The following DAB2IP variants were observed in gnomAD, a reference collection of about 807,000 sequenced individuals.
DAB2IP encodes disabled homolog 2-interacting protein.
A neutral mutation model predicts 107.2 loss-of-function variants in DAB2IP; 28 were observed. The ratio of observed to expected loss-of-function variants is 0.26; its 90% CI spans 0.19 to 0.36. The LOEUF is 0.36. DAB2IP is among the 10% of genes least tolerant of loss of function. The pLI, the probability that DAB2IP is intolerant of heterozygous loss-of-function variation, is 1.00. For missense variants in DAB2IP, 1,400 were observed against 1,644.7 expected (o/e 0.85, Z 2.57); for synonymous variants, 755 against 706.4 (o/e 1.07, Z -1.09).
At chr9:121,669,666 A>G (rs1833596112) in intron 1 of DAB2IP, among the ~76,000 whole-genome samples, 1 of 152,214 alleles carries the variant, frequency 6.6e-6, no homozygotes, top group African/African-American at 2.4e-5. Context: ...TGACTGGTAA[A>G]GTAGCAGCAG....
intron 3 of DAB2IP, among the ~76,000 whole-genome samples, chr9:121,745,530 G>A (rs1183576030): frequency 2.0e-5 from 3 of 151,968 alleles, no homozygotes; most frequent in Admixed American, 6.6e-5. Flanking sequence ...GGGAGGAATG[G>A]GCAGCTGACA....
intron 5 of DAB2IP, 119 bp from the exon 6 acceptor site, chr9:121,759,766 G>A (rs953922778): frequency 3.7e-5 from 33 of 896,502 alleles, no homozygotes; most frequent in Admixed American, 5.6e-5. Context: ...CTAGGCGCCC[G>A]CTGCCGCCTC....
At chr9:121,771,262 A>T (rs985868240) in intron 11 of DAB2IP, among the ~76,000 whole-genome samples, 5 of 152,362 alleles carry the variant, frequency 3.3e-5, no homozygotes, top group African/African-American at 1.2e-4. Context: ...CACACACGGC[A>T]GAGTGGAAGG....
At chr9:121,601,138 A>G (rs1830673449) in intron 1 of DAB2IP, among the ~76,000 whole-genome samples, 1 of 152,204 alleles carries the variant, frequency 6.6e-6, no homozygotes, top group African/African-American at 2.4e-5. Flanking sequence ...GCTTCTGTCT[A>G]TCTTGATCTT....
chr9:121,678,976 A>G (rs999065970), intron 2 of DAB2IP, 195 bp downstream of exon 2: 1 of 485,574 alleles, frequency 2.1e-6, no homozygotes, highest in Non-Finnish European at 3.5e-6. Context: ...CGGGGGCCAC[A>G]TGGGGGGTCC....
At chr9:121,593,771 G>A (rs866265331) in intron 1 of DAB2IP, among the ~76,000 whole-genome samples, 9 of 149,296 alleles carry the variant, frequency 6.0e-5, no homozygotes, top group African/African-American at 2.2e-4. Context: ...AGGTTCAAGC[G>A]ATTCTCCTGC....
chr9:121,745,013 A>G (rs538362869), intron 3 of DAB2IP, among the ~76,000 whole-genome samples: 36 of 152,238 alleles, frequency 2.4e-4, no homozygotes, highest in African/African-American at 6.5e-4. Context: ...GATTTTAAGT[A>G]TGTTGCTTTC....
At chr9:121,770,699 A>T (rs1249914433) in exon 11 of DAB2IP, 1 of 1,614,120 alleles carries the variant, frequency 6.2e-7, no homozygotes, top group Admixed American at 1.7e-5. Context: ...GCTGCAGAAG[A>T]TGGTGATTGA....
intron 1 of DAB2IP, among the ~76,000 whole-genome samples, chr9:121,576,987 C>A (rs1052941490): frequency 6.6e-6 from 1 of 152,198 alleles, no homozygotes. Flanking sequence ...TCACCTCCCC[C>A]AGGAAGCCAG....
At chr9:121,573,634 T>C (rs1038145439) in intron 1 of DAB2IP, among the ~76,000 whole-genome samples, 1 of 152,096 alleles carries the variant, frequency 6.6e-6, no homozygotes, top group African/African-American at 2.4e-5. Context: ...CTGCCCACCT[T>C]GGCCTCCCAA....
rs935717177 is a variant in DAB2IP at position 121,701,739 on chromosome 9, G to A, written c.362+2281G>A. 6.6e-6 allele frequency among the ~76,000 whole-genome samples: 1 copy of A among 152,176 alleles called. No individual in the cohort carries two copies. The highest frequency in any genetic ancestry group is 1.5e-5 in the Non-Finnish European group (1 of 68,034). On this transcript the variant is annotated intron_variant, in intron 3 of 15. Coordinates refer to ENST00000408936, the Ensembl canonical transcript of DAB2IP. This position sits in a 1 kb window ranked among gnomAD's most constrained non-coding sequence, Gnocchi z 4.7. ...AGTCATCCTATTTGGAGTTCAGTGA[G>A]TAAAAACAACTATGGTGACCCCGCC...
chr9:121,573,483 C>G (rs1829996790), intron 1 of DAB2IP, among the ~76,000 whole-genome samples: 1 of 151,766 alleles, frequency 6.6e-6, no homozygotes, highest in Non-Finnish European at 1.5e-5. Flanking sequence ...CTCCTGGGTT[C>G]AAGCAATTCT....
At chr9:121,766,344 A>G (rs974092606) in intron 8 of DAB2IP, 150 bp from the exon 9 acceptor site, 11 of 698,008 alleles carry the variant, frequency 1.6e-5, no homozygotes, top group African/African-American at 1.4e-4. Flanking sequence ...CTCTCCCCAG[A>G]TGGCTGTGTC....
chr9:121,654,510 G>C (rs2074307396), intron 1 of DAB2IP, among the ~76,000 whole-genome samples: 1 of 152,162 alleles, frequency 6.6e-6, no homozygotes, highest in Admixed American at 6.5e-5. Context: ...GCTGCAGCCA[G>C]GGTGTAGGGT....
upstream of DAB2IP, among the ~76,000 whole-genome samples, chr9:121,648,252 T>C (rs1832608767): frequency 6.6e-6 from 1 of 152,012 alleles, no homozygotes; most frequent in South Asian, 2.1e-4. Flanking sequence ...CCCAAAAACC[T>C]ATGGAAATAA....
At chr9:121,697,193 A>G (rs564636174) in intron 2 of DAB2IP, among the ~76,000 whole-genome samples, 1 of 152,226 alleles carries the variant, frequency 6.6e-6, no homozygotes, top group Non-Finnish European at 1.5e-5. Context: ...ACGGGAGAAA[A>G]CTTTTTTGTT....
At chr9:121,714,106 C>A (rs1024863812) in intron 3 of DAB2IP, among the ~76,000 whole-genome samples, 1 of 152,212 alleles carries the variant, frequency 6.6e-6, no homozygotes, top group Non-Finnish European at 1.5e-5. Flanking sequence ...CACATTCTCA[C>A]ACACCATGCT....
exon 12 of DAB2IP, chr9:121,773,168 G>GGAGCTGGCTCGGCGGCCCGGT: frequency 6.2e-7 from 1 of 1,604,630 alleles, no homozygotes; most frequent in Non-Finnish European, 8.5e-7. Context: ...CTGCCGCGGA[G>GGAGCTGGCTCGGCGGCCCGGT]GAGCTGGCTC....
At chr9:121,754,791 C>T (rs1004821479) in intron 3 of DAB2IP, among the ~76,000 whole-genome samples, 3 of 152,176 alleles carry the variant, frequency 2.0e-5, no homozygotes, top group Non-Finnish European at 4.4e-5. Flanking sequence ...TTTCCCTGGG[C>T]AGGCCCAGCC....
Sources: gnomAD v4.1 joint callset for allele counts (sites outside exome capture counted in the v4.1 genomes callset) on GRCh38, gnomAD v4.1.1 for gene constraint, Gnocchi (gnomAD v3.1) non-coding constraint, MANE v1.5 for transcripts, NCBI Gene and HGNC (gene_info 2026-07-23, HGNC 2026-07-21) for gene names.